SYNRG: variants seen among roughly 807,000 people sequenced by gnomAD.
The protein encoded by SYNRG is synergin gamma, also known as AP1 gamma subunit binding protein 1.
SYNRG carries 37 observed loss-of-function variants against 130.9 expected under a neutral mutation model. The observed-to-expected ratio is 0.28, with a 90% CI of 0.22 to 0.37. The LOEUF (loss-of-function observed/expected upper bound fraction) is 0.37. Among genes scored for constraint, SYNRG ranks in the 10% least tolerant of loss-of-function variants. SYNRG has a pLI of 1.00. For synonymous variants in SYNRG, 539 were observed against 568.1 expected, an observed-to-expected ratio of 0.95 and a Z score of 0.73; for missense variants, 1,338 against 1,588.9, an observed-to-expected ratio of 0.84 and a Z score of 2.68.
intron 14 of SYNRG, among the ~76,000 whole-genome samples, chr17:37,550,056 T>C (rs2058594447): frequency 6.6e-6 from 1 of 152,198 alleles, no homozygotes; most frequent in African/African-American, 2.4e-5. Context: ...AATAACTAGT[T>C]ATTACATAAC....
In SYNRG at chr17:37,586,569, G is replaced by A. The variant is rs1329485961; in HGVS notation, c.241-20C>T. On this transcript the variant is annotated intron_variant, in intron 3 of 21. Transcript: ENST00000612223. ...TCCTGCCTAGAAGAAACAGACAAAG[G>A]CTTAAAAAACACAATTTATCCCTTT... 5.0e-6 allele frequency: 8 copies of A among 1,612,732 alleles called. No homozygotes were observed. The highest frequency in any genetic ancestry group is 3.3e-5 in the South Asian group (3 of 90,906).
At chr17:37,581,743 C>T (rs963700956) in intron 6 of SYNRG, among the ~76,000 whole-genome samples, 13 of 150,604 alleles carry the variant, frequency 8.6e-5, no homozygotes, top group African/African-American at 2.9e-4. Context: ...TGCACCACCA[C>T]TCCTGGCCCC....
chr17:37,588,260 T>C (rs1337039081), intron 3 of SYNRG, among the ~76,000 whole-genome samples: 1 of 51,870 alleles, frequency 1.9e-5, no homozygotes, highest in African/African-American at 9.3e-5. Flanking sequence ...TTTAAATTCT[T>C]TTTTTTTTTT....
chr17:37,590,406 C>T lies in SYNRG; in HGVS notation c.241-3857G>A, dbSNP rs561763250. Among the ~76,000 whole-genome samples the T allele has an allele frequency of 1.5e-4, 23 of 152,172 alleles. No homozygotes were observed. The South Asian group carries it at 1.7e-3, about 11-fold the overall frequency. On this transcript the variant is annotated intron_variant, in intron 3 of 21. Transcript: ENST00000612223. ...GAATCTAGAATATATAATGAACACT[C>T]AGAAATCAATTAAATCAAAACAGCA...
chr17:37,539,687 AACTC>A (rs2057554123), intron 16 of SYNRG, among the ~76,000 whole-genome samples: 1 of 152,170 alleles, frequency 6.6e-6, no homozygotes, highest in African/African-American at 2.4e-5. Flanking sequence ...TATCTTTTTG[AACTC>A]ACTAATAACT....
intron 6 of SYNRG, among the ~76,000 whole-genome samples, chr17:37,582,867 A>G (rs2061436684): frequency 6.6e-6 from 1 of 152,168 alleles, no homozygotes; most frequent in South Asian, 2.1e-4. Context: ...AAAAAAAGTT[A>G]TATGATCAAT....
At chr17:37,602,456 G>C (rs938861742) in intron 1 of SYNRG, among the ~76,000 whole-genome samples, 1 of 152,170 alleles carries the variant, frequency 6.6e-6, no homozygotes, top group African/African-American at 2.4e-5. Flanking sequence ...AGTAGGAAAT[G>C]GTCATTGAAA....
Position 37,604,196 on chromosome 17 carries a change from C to T in SYNRG, c.78-3793G>A, listed in dbSNP as rs147785136. ...CGAAGGTTACATTGAGGCGAGATCA[C>T]GCCACTGCACTCCAGCCTGGGTGAC... On this transcript the variant is annotated intron_variant, in intron 1 of 21. Coordinates refer to ENST00000612223, the MANE Select transcript of SYNRG (RefSeq NM_007247.6). Among the ~76,000 whole-genome samples, 1,069 of 150,702 alleles carry T rather than the reference C, an allele frequency of 7.1e-3. 20 individuals are homozygous for T. Among genetic ancestry groups the T allele is most frequent in the East Asian group, 0.048 (244 of 5,110 alleles).
chr17:37,544,633 G>T (rs2058103494), intron 14 of SYNRG, among the ~76,000 whole-genome samples: 2 of 152,066 alleles, frequency 1.3e-5, no homozygotes, highest in Non-Finnish European at 2.9e-5. Flanking sequence ...AAAATTTATA[G>T]TTTAGAATGA....
chr17:37,538,788 T>C (rs1222936456), intron 17 of SYNRG, among the ~76,000 whole-genome samples: 4 of 152,202 alleles, frequency 2.6e-5, no homozygotes, highest in African/African-American at 9.6e-5. Context: ...AGAGACAGGG[T>C]TTCACCATGT....
At chr17:37,547,294 G>T (rs2058356924) in intron 14 of SYNRG, among the ~76,000 whole-genome samples, 2 of 152,288 alleles carry the variant, frequency 1.3e-5, no homozygotes, top group Non-Finnish European at 2.9e-5. Context: ...ATGGTGTCAG[G>T]ATACACAGTG....
At chr17:37,561,638 T>A in intron 11 of SYNRG, 49 bp from the exon 12 acceptor site, 1 of 1,360,868 alleles carries the variant, frequency 7.3e-7, no homozygotes, top group South Asian at 1.2e-5. Context: ...CCCTCCTTTA[T>A]CATCTAAAAG....
At chr17:37,563,877 C>T (rs1038132105) in intron 11 of SYNRG, among the ~76,000 whole-genome samples, 1 of 151,292 alleles carries the variant, frequency 6.6e-6, no homozygotes, top group African/African-American at 2.4e-5. Flanking sequence ...CAAATTCTTA[C>T]TCTGTCTCCC....
At chr17:37,555,415 C>T (rs989207946) in intron 13 of SYNRG, among the ~76,000 whole-genome samples, 2 of 152,190 alleles carry the variant, frequency 1.3e-5, no homozygotes, top group African/African-American at 2.4e-5. Flanking sequence ...GCGTGAGCTA[C>T]AGCACCCGGC....
intron 10 of SYNRG, 108 bp from the exon 11 acceptor site, chr17:37,569,032 T>C (rs1031705260): frequency 1.1e-5 from 13 of 1,201,728 alleles, no homozygotes; most frequent in African/African-American, 7.6e-5. Context: ...TCAGTTTAGA[T>C]ACATTAACTC....
intron 6 of SYNRG, among the ~76,000 whole-genome samples, chr17:37,580,510 T>TGAGAGAGAGAGAGAGAGAGAGAGA (rs71135748): frequency 1.6e-5 from 2 of 127,660 alleles, no homozygotes; most frequent in African/African-American, 3.6e-5. Context: ...TGTGTGTGTG[T>TGAGAGAGAGAGAGAGAGAGAGAGA]GAGAGAGAGA....
intron 19 of SYNRG, among the ~76,000 whole-genome samples, chr17:37,533,926 C>CT (rs765621244): frequency 0.017 from 959 of 57,780 alleles, 218 homozygotes; most frequent in African/African-American, 0.039. Flanking sequence ...ATTTTCTTTT[C>CT]TTTTTTTTTT....
At chr17:37,557,635 T>G (rs1021115948) in intron 13 of SYNRG, among the ~76,000 whole-genome samples, 6 of 152,156 alleles carry the variant, frequency 3.9e-5, no homozygotes, top group Non-Finnish European at 8.8e-5. Context: ...TCCCAGCATT[T>G]TGGGAGGCTG....
chr17:37,597,432 G>A lies in SYNRG; in HGVS notation c.119-1088C>T, dbSNP rs151040578. Among the ~76,000 whole-genome samples, 266 of 152,334 alleles carry A rather than the reference G, an allele frequency of 1.7e-3. 2 individuals are homozygous for A. Among genetic ancestry groups the A allele is most frequent in the Non-Finnish European group, 3.0e-3 (205 of 68,028 alleles). ...ACAGCAGATAACTAACAAAATAACA[G>A]TTAGGAGCATGAACTCTGGGAGCCA... is the stretch of plus-strand genomic sequence containing the variant. On this transcript the variant is annotated intron_variant, in intron 2 of 21. Coordinates refer to ENST00000612223, the MANE Select transcript of SYNRG (RefSeq NM_007247.6).
Sources: gnomAD v4.1 joint callset for allele counts (sites outside exome capture counted in the v4.1 genomes callset) on GRCh38, gnomAD v4.1.1 for gene constraint, MANE v1.5 for transcripts, NCBI Gene and HGNC (gene_info 2026-07-23, HGNC 2026-07-21) for gene names.